RABGAP1L: variants seen among roughly 807,000 people sequenced by gnomAD.
The protein encoded by RABGAP1L is RAB GTPase activating protein 1 like, also known as rab GTPase-activating protein 1-like.
Under a neutral mutation model 137.7 loss-of-function variants are expected in RABGAP1L, and 63 were observed. That is an observed-to-expected ratio of 0.46 (90% CI 0.37 to 0.56). The LOEUF is 0.56. Ranked by LOEUF, RABGAP1L falls within the 20% of genes least tolerant of loss-of-function variation. RABGAP1L has a pLI of 0.00. For synonymous variants in RABGAP1L, 431 were observed against 433.7 expected (o/e 0.99, Z 0.08); for missense variants, 1,095 against 1,244.0 (o/e 0.88, Z 1.80).
chr1:174,858,829 T>C (rs1053454539), intron 19 of RABGAP1L, among the ~76,000 whole-genome samples: 1 of 152,204 alleles, frequency 6.6e-6, no homozygotes, highest in African/African-American at 2.4e-5. Context: ...TGGTAATAAA[T>C]GTCTCATCTG....
chr1:174,755,535 A>G (rs932889896), intron 18 of RABGAP1L, among the ~76,000 whole-genome samples: 5 of 152,206 alleles, frequency 3.3e-5, no homozygotes, highest in Non-Finnish European at 5.9e-5. Flanking sequence ...CCAAAGTATT[A>G]TATGCTTATT....
chr1:174,645,877 C>T (rs1471407695), intron 14 of RABGAP1L, among the ~76,000 whole-genome samples: 1 of 152,092 alleles, frequency 6.6e-6, no homozygotes, highest in Non-Finnish European at 1.5e-5. Flanking sequence ...CTGTTGTTTC[C>T]TGACTTTTTA....
Position 174,748,535 on chromosome 1 carries a change from T to C in RABGAP1L, c.2170-3778T>C, listed in dbSNP as rs142218170. 3.3e-4 allele frequency among the ~76,000 whole-genome samples: 50 copies of C among 152,256 alleles called. 1 individual carries two copies. In the East Asian group the frequency reaches 7.9e-3, roughly 24 times the overall value. The stretch of plus-strand genomic sequence containing the variant: ...TCCTGAGAACATGTGCCCAAGGTGA[T>C]TGGGTTTCAGATTGGTTTTATATGT... On this transcript the variant is annotated intron_variant, in intron 17 of 25. Coordinates refer to ENST00000681986, the MANE Select transcript of RABGAP1L (RefSeq NM_001366446.1).
chr1:174,233,633 T>C (rs1219041200), intron 4 of RABGAP1L, among the ~76,000 whole-genome samples: 2 of 134,988 alleles, frequency 1.5e-5, no homozygotes, highest in African/African-American at 6.9e-5. Flanking sequence ...CCATGGTGTA[T>C]ATGTGCCACA....
intron 17 of RABGAP1L, among the ~76,000 whole-genome samples, chr1:174,725,723 C>T (rs1330157641): frequency 6.6e-6 from 1 of 151,968 alleles, no homozygotes; most frequent in African/African-American, 2.4e-5. Flanking sequence ...AAAGGAAGGG[C>T]TCGTTTATAC....
chr1:174,723,344 G>A (rs1039000746), intron 17 of RABGAP1L, among the ~76,000 whole-genome samples: 8 of 152,130 alleles, frequency 5.3e-5, no homozygotes, highest in East Asian at 1.9e-4. Context: ...CAAAGTGCTG[G>A]GATTACAGGC....
At chr1:174,490,142 T>C (rs993605833) in intron 13 of RABGAP1L, among the ~76,000 whole-genome samples, 5 of 152,084 alleles carry the variant, frequency 3.3e-5, no homozygotes, top group African/African-American at 7.2e-5. Context: ...TTGATGGTTG[T>C]AGATATTCTT....
chr1:174,434,108 T>TACACACAC (rs35509787), intron 13 of RABGAP1L, among the ~76,000 whole-genome samples: 3,784 of 134,064 alleles, frequency 0.028, 56 homozygotes, highest in Middle Eastern at 0.073. Flanking sequence ...CGTGTACACA[T>TACACACAC]ACACACACAC....
chr1:174,342,696 G>A (rs981443326), intron 11 of RABGAP1L, among the ~76,000 whole-genome samples: 2 of 151,218 alleles, frequency 1.3e-5, no homozygotes, highest in Admixed American at 6.6e-5. Flanking sequence ...GATGTAAAAT[G>A]GACCATTCCT....
At chr1:174,426,357 GT>G (rs1651955022) in intron 13 of RABGAP1L, among the ~76,000 whole-genome samples, 2 of 152,052 alleles carry the variant, frequency 1.3e-5, no homozygotes, top group African/African-American at 4.8e-5. Flanking sequence ...ATTTGCATAT[GT>G]AAGCATTTAA....
intron 20 of RABGAP1L, among the ~76,000 whole-genome samples, chr1:174,964,400 T>G (rs1669434208): frequency 6.6e-6 from 1 of 152,234 alleles, no homozygotes; most frequent in South Asian, 2.1e-4. Context: ...TAATTAACAG[T>G]TCACATTTCT....
rs999682224 is a variant in RABGAP1L at position 174,995,251 on chromosome 1, G to A, written c.*5250G>A. ...TTTGTGAGCCAGTGATGTTTTCAATGCTTTGTGTTGCCCCTTTGGCCCCAT... is the reference window on the plus strand; with the variant it reads ...TTTGTGAGCCAGTGATGTTTTCAATACTTTGTGTTGCCCCTTTGGCCCCAT... On this transcript the variant is annotated 3_prime_UTR_variant, in exon 26 of 26. Coordinates refer to ENST00000681986, the MANE Select transcript of RABGAP1L (RefSeq NM_001366446.1). 4 of 152,208 alleles carry A rather than the reference G, an allele frequency of 2.6e-5. No individual in the cohort carries two copies. The highest frequency in any genetic ancestry group is 9.6e-5 in the African/African-American group (4 of 41,454). 9.4% of individuals were successfully genotyped at this position (152,208 alleles called of 1,614,324 possible). A position where few individuals can be genotyped will look rare whatever the true frequency, so the allele number is the denominator to read the frequency against.
At chr1:174,597,241 T>A (rs182181053) in intron 13 of RABGAP1L, among the ~76,000 whole-genome samples, 4 of 152,320 alleles carry the variant, frequency 2.6e-5, no homozygotes, top group Admixed American at 2.0e-4. Context: ...TAGAATGAGT[T>A]TGGAAGTATT....
chr1:174,174,013 A>G (rs560629436), intron 1 of RABGAP1L, among the ~76,000 whole-genome samples: 1 of 152,330 alleles, frequency 6.6e-6, no homozygotes, highest in African/African-American at 2.4e-5. Flanking sequence ...ATTCTTTATA[A>G]ATAAAGCTCT....
At chr1:174,961,845 CAAAAAA>C (rs61233451) in intron 20 of RABGAP1L, among the ~76,000 whole-genome samples, 2 of 88,730 alleles carry the variant, frequency 2.3e-5, no homozygotes, top group African/African-American at 7.2e-5. Flanking sequence ...GACTCTGTCT[CAAAAAA>C]AAAAAAAAAA....
chr1:174,860,680 C>G (rs1650119422), intron 19 of RABGAP1L, among the ~76,000 whole-genome samples: 1 of 152,038 alleles, frequency 6.6e-6, no homozygotes, highest in South Asian at 2.1e-4. Context: ...CAACATTCTT[C>G]TTTACTTATT....
intron 19 of RABGAP1L, among the ~76,000 whole-genome samples, chr1:174,885,204 T>C (rs567758407): frequency 6.6e-6 from 1 of 152,342 alleles, no homozygotes; most frequent in Middle Eastern, 3.4e-3. Context: ...CTTTCCTCTT[T>C]CTTTAACTCT....
chr1:174,734,954 C>CTTTTTTT (rs756783714), intron 17 of RABGAP1L, among the ~76,000 whole-genome samples: 1 of 96,116 alleles, frequency 1.0e-5, no homozygotes. Context: ...GGATCTCTCT[C>CTTTTTTT]TTTTTTTTTT....
intron 13 of RABGAP1L, among the ~76,000 whole-genome samples, chr1:174,617,853 G>T (rs530346447): frequency 6.6e-6 from 1 of 151,742 alleles, no homozygotes; most frequent in South Asian, 2.1e-4. Context: ...TCTCACTGGA[G>T]AGTGTCAGAA....
Sources: gnomAD v4.1 joint callset for allele counts (sites outside exome capture counted in the v4.1 genomes callset) on GRCh38, gnomAD v4.1.1 for gene constraint, MANE v1.5 for transcripts, NCBI Gene and HGNC (gene_info 2026-07-23, HGNC 2026-07-21) for gene names.